TMEM160: variants seen among roughly 807,000 people sequenced by gnomAD.
The protein encoded by TMEM160 is transmembrane protein 160.
A neutral mutation model predicts 13.9 loss-of-function variants in TMEM160; 10 were observed. The observed-to-expected ratio is 0.72, with a 90% CI of 0.45 to 1.22. The LOEUF is 1.22. Among genes scored for constraint, TMEM160 ranks in the 50% most tolerant of loss-of-function variants. The pLI is 0.00. For synonymous variants in TMEM160, 159 were observed against 134.8 expected (o/e 1.18, Z -1.25); for missense variants, 287 against 283.2 (o/e 1.01, Z -0.10).
rs1468986672 is a variant in TMEM160 at position 47,045,969 on chromosome 19, GC to G, written c.*17del. 1.3e-6 allele frequency: 2 copies of G among 1,529,324 alleles called. No homozygotes were observed. The highest frequency in any genetic ancestry group is 1.7e-6 in the Non-Finnish European group (2 of 1,145,436). The allele number at this position is 1,529,324 out of a possible 1,614,324, so 94.7% of individuals were successfully genotyped here. Reference sequence around the variant, plus strand: ...TCGGGCGCTGTCCAGCGCCTGCCAGGCCCCACGGCCGTGTCGCTCACTCGGG... The same window carrying G: ...TCGGGCGCTGTCCAGCGCCTGCCAGGCCCACGGCCGTGTCGCTCACTCGGG... On this transcript the variant is annotated 3_prime_UTR_variant, in exon 3 of 3. Transcript: ENST00000253047.
chr19:47,047,893 T>C (rs981818851), intron 1 of TMEM160: 11 of 984,778 alleles, frequency 1.1e-5, no homozygotes, highest in African/African-American at 1.8e-5. Context: ...GTCCGCTCCA[T>C]TCTGGACCTC....
At chr19:47,047,168 C>A (rs1343459359) in intron 1 of TMEM160, among the ~76,000 whole-genome samples, 1 of 152,170 alleles carries the variant, frequency 6.6e-6, no homozygotes, top group Non-Finnish European at 1.5e-5. Context: ...CAAGATCATG[C>A]CACTGCACTC....
intron 1 of TMEM160, chr19:47,047,277 A>G (rs1304226023): frequency 1.1e-5 from 11 of 985,456 alleles, no homozygotes; most frequent in Non-Finnish European, 1.3e-5. Flanking sequence ...AAAGTTGCAG[A>G]ACCTCCATCT....
chr19:47,048,297 C>G, intron 1 of TMEM160, 110 bp downstream of exon 1: 38 of 1,013,084 alleles, frequency 3.8e-5, no homozygotes, highest in Non-Finnish European at 5.2e-5. Flanking sequence ...AAGCCCTTCT[C>G]GGAGCCGAGC....
chr19:47,046,544 G>A, intron 2 of TMEM160, 49 bp downstream of exon 2: 2 of 1,476,858 alleles, frequency 1.4e-6, no homozygotes, highest in Non-Finnish European at 1.9e-6. Context: ...GGTGATAGGG[G>A]CTCTGCATTC....
chr19:47,048,441 C>T lies in TMEM160; in HGVS notation c.174G>A (p.Ala58=), dbSNP rs1271659242. ...GCGCTTTTCGGAGGAGCCAGGCGTC[C>T]GCACGATCCAGCTCGGACACTGGGG... is the stretch of plus-strand genomic sequence containing the variant. ...SPPPVSELDR[A]DAWLLRKAHE... is the part of the protein sequence containing the mutation. The change falls in exon 1 of 3, where the codon GCG becomes GCA. Residue 58 remains alanine, a synonymous_variant. Coordinates refer to ENST00000253047, the MANE Select transcript of TMEM160 (RefSeq NM_017854.2). 2 of 1,443,534 alleles carry T rather than the reference C, an allele frequency of 1.4e-6. No homozygotes were observed. The highest frequency in any genetic ancestry group is 1.5e-5 in the African/African-American group (1 of 66,526). The allele number at this position is 1,443,534 out of a possible 1,614,324, so 89.4% of individuals were successfully genotyped here.
At chr19:47,046,779 C>G in intron 1 of TMEM160, 94 bp from the exon 2 acceptor site, 2 of 917,672 alleles carry the variant, frequency 2.2e-6, no homozygotes, top group South Asian at 2.7e-5. Context: ...CTCCCTTCAG[C>G]TCACCCCATC....
intron 2 of TMEM160, 50 bp downstream of exon 2, chr19:47,046,543 G>A: frequency 2.7e-6 from 4 of 1,473,256 alleles, no homozygotes; most frequent in Non-Finnish European, 3.8e-6. Context: ...AGGTGATAGG[G>A]GCTCTGCATT....
At chr19:47,047,961 G>A (rs2057089763) in intron 1 of TMEM160, 7 of 983,856 alleles carry the variant, frequency 7.1e-6, no homozygotes, top group Non-Finnish European at 7.2e-6. Context: ...CCAATCAGCA[G>A]AGAGCTTTCT....
rs538146167 is a variant in TMEM160 at position 47,048,366 on chromosome 19, C to G, written c.208+41G>C. On this transcript the variant is annotated intron_variant, in intron 1 of 2. Transcript: ENST00000253047. ...ATCAAGGTCCCACGCGAGCCCGGGA[C>G]CCCCGTCCCATCCGCACCGCCCCCA... The G allele has an allele frequency of 7.3e-5, 105 of 1,447,044 alleles. No homozygotes were observed. In the African/African-American group the frequency reaches 1.3e-3, roughly 19 times the overall value. 89.6% of individuals were successfully genotyped at this position (1,447,044 alleles called of 1,614,324 possible).
At chr19:47,046,473 G>T in intron 2 of TMEM160, 120 bp downstream of exon 2, 1 of 969,590 alleles carries the variant, frequency 1.0e-6, no homozygotes. Context: ...GGGAAGAATG[G>T]GGGTTCTATA....
At position 47,046,081 on chromosome 19, in the gene TMEM160, C is replaced by T; in HGVS notation, c.473G>A (p.Gly158Glu). ...LWACAVGLYM[G>E]QLELDVELVP... ...CAGCTCCACGTCCAGCTCCAGCTGC[C>T]CCATGTAGAGGCCCACGGCGCACGC... The change falls in exon 3 of 3, where the codon GGG becomes GAG. Residue 158 changes from glycine (G) to glutamate (E), a missense_variant. Coordinates refer to ENST00000253047, the MANE Select transcript of TMEM160 (RefSeq NM_017854.2). 1.3e-6 allele frequency: 2 copies of T among 1,544,144 alleles called. No individual in the cohort carries two copies. Among genetic ancestry groups the T allele is most frequent in the South Asian group, 1.2e-5 (1 of 84,680 alleles).
intron 1 of TMEM160, 111 bp downstream of exon 1, chr19:47,048,296 T>C: frequency 3.0e-6 from 3 of 1,005,846 alleles, no homozygotes; most frequent in Non-Finnish European, 4.2e-6. Flanking sequence ...GAAGCCCTTC[T>C]CGGAGCCGAG....
At chr19:47,047,840 C>T (rs2122580439) in intron 1 of TMEM160, 3 of 947,126 alleles carry the variant, frequency 3.2e-6, no homozygotes, top group Non-Finnish European at 3.8e-6. Flanking sequence ...AGCAAGACAC[C>T]GTCATTAAAA....
At chr19:47,047,611 G>A in intron 1 of TMEM160, 1 of 982,800 alleles carries the variant, frequency 1.0e-6, no homozygotes. Context: ...AGCACTTTGG[G>A]AAGCCAAGGC....
Position 47,048,523 on chromosome 19 carries a change from C to A in TMEM160, c.92G>T (p.Gly31Val). 6.7e-7 allele frequency: 1 copy of A among 1,483,666 alleles called. No individual in the cohort carries two copies. The highest frequency in any genetic ancestry group is 1.3e-5 in the South Asian group (1 of 79,208). 91.9% of individuals were successfully genotyped at this position (1,483,666 alleles called of 1,614,324 possible). The change falls in exon 1 of 3, where the codon GGG becomes GTG. Residue 31 changes from glycine to valine, a missense_variant. Coordinates refer to ENST00000253047, the MANE Select transcript of TMEM160 (RefSeq NM_017854.2). ...GGGGGCGAAGGACCCCCGGGCGCCC[C>A]CGCTCCGGGGCCGCTGAGGCGGCAG... ...SLLPPQRPRS[G>V]GARGSFAPGH...
chr19:47,047,092 C>T (rs2122579105), intron 1 of TMEM160, among the ~76,000 whole-genome samples: 1 of 152,276 alleles, frequency 6.6e-6, no homozygotes, highest in East Asian at 1.9e-4. Context: ...TGCTTGTAGT[C>T]CCAGCTACTC....
chr19:47,045,975 C>T lies in TMEM160; in HGVS notation c.*12G>A, dbSNP rs2057076133. 5 of 1,533,342 alleles carry T rather than the reference C, an allele frequency of 3.3e-6. No homozygotes were observed. Among genetic ancestry groups the T allele is most frequent in the African/African-American group, 1.4e-5 (1 of 72,342 alleles). 95.0% of individuals were successfully genotyped at this position (1,533,342 alleles called of 1,614,324 possible). ...GCTGTCCAGCGCCTGCCAGGCCCCA[C>T]GGCCGTGTCGCTCACTCGGGTGGCG... is the stretch of plus-strand genomic sequence containing the variant. On this transcript the variant is annotated 3_prime_UTR_variant, in exon 3 of 3. Coordinates refer to ENST00000253047, the MANE Select transcript of TMEM160 (RefSeq NM_017854.2).
At chr19:47,046,388 G>A in intron 2 of TMEM160, 136 bp from the exon 3 acceptor site, 2 of 1,190,380 alleles carry the variant, frequency 1.7e-6, no homozygotes, top group Non-Finnish European at 2.3e-6. Flanking sequence ...GATCGGAGGG[G>A]AGGGGACCAT....
Sources: gnomAD v4.1 joint callset for allele counts (sites outside exome capture counted in the v4.1 genomes callset) on GRCh38, gnomAD v4.1.1 for gene constraint, MANE v1.5 for transcripts, NCBI Gene and HGNC (gene_info 2026-07-23, HGNC 2026-07-21) for gene names.